The following ELAVL2 variants were observed in gnomAD, a reference collection of about 807,000 sequenced individuals.
ELAVL2 encodes the protein ELAV-like protein 2.
In ELAVL2, 4 loss-of-function variants were observed where a neutral mutation model predicts 34.6. That is an observed-to-expected ratio of 0.12 (90% confidence interval 0.06 to 0.26). The LOEUF is 0.26. ELAVL2 is among the 10% of genes least tolerant of loss of function. The pLI, the probability that ELAVL2 is intolerant of heterozygous loss-of-function variation, is 1.00. For synonymous variants in ELAVL2, 193 were observed against 154.8 expected, an observed-to-expected ratio of 1.25 and a Z score of -1.83; for missense variants, 432 against 442.8, an observed-to-expected ratio of 0.98 and a Z score of 0.22.
intron 1 of ELAVL2, among the ~76,000 whole-genome samples, chr9:23,763,491 C>T (rs2055524943): frequency 6.6e-6 from 1 of 151,932 alleles, no homozygotes; most frequent in South Asian, 2.1e-4. Context: ...TCAAAACTGA[C>T]AATTCTGAAT....
chr9:23,743,784 T>A (rs553342781), intron 2 of ELAVL2, among the ~76,000 whole-genome samples: 1 of 152,306 alleles, frequency 6.6e-6, no homozygotes, highest in Non-Finnish European at 1.5e-5. Flanking sequence ...TTTTAATTCA[T>A]CTTAAAAACT....
chr9:23,750,817 A>G (rs2051780452), intron 2 of ELAVL2, among the ~76,000 whole-genome samples: 1 of 152,188 alleles, frequency 6.6e-6, no homozygotes, highest in Admixed American at 6.5e-5. Context: ...GTTAGGAAAA[A>G]GGATTCGTAC....
Position 23,722,251 on chromosome 9 carries a change from G to C in ELAVL2, c.333+8771C>G, listed in dbSNP as rs546252677. Among the ~76,000 whole-genome samples the C allele has an allele frequency of 7.9e-5, 12 of 152,266 alleles. 1 individual carries two copies. The South Asian group carries it at 2.5e-3, about 32-fold the overall frequency. On this transcript the variant is annotated intron_variant, in intron 3 of 6. Coordinates refer to ENST00000397312, the MANE Select transcript of ELAVL2 (RefSeq NM_004432.5). ...ACACATTTCTGTAACCTTTAAACTA[G>C]CATCTACGACTTACATGAACCTACC...
chr9:23,825,428 G>C (rs561230100), intron 1 of ELAVL2, among the ~76,000 whole-genome samples: 1 of 152,042 alleles, frequency 6.6e-6, no homozygotes. Context: ...AGCCTCTCCC[G>C]TCCTTCCGTT....
At chr9:23,824,318 T>A (rs987856038) in intron 1 of ELAVL2, among the ~76,000 whole-genome samples, 1 of 152,148 alleles carries the variant, frequency 6.6e-6, no homozygotes, top group Non-Finnish European at 1.5e-5. Flanking sequence ...GGGCATAAAT[T>A]AAGCAACAAT....
At chr9:23,703,566 T>C (rs556201470) in intron 4 of ELAVL2, among the ~76,000 whole-genome samples, 5 of 152,144 alleles carry the variant, frequency 3.3e-5, no homozygotes, top group Non-Finnish European at 7.4e-5. Context: ...GTGCTTCCTA[T>C]GAAGCCAATT....
intron 4 of ELAVL2, among the ~76,000 whole-genome samples, chr9:23,702,847 T>TAAATAGTG: frequency 6.8e-6 from 1 of 146,476 alleles, no homozygotes; most frequent in South Asian, 2.1e-4. Context: ...GTATGAAGAA[T>TAAATAGTG]AAATAGTGAA....
At chr9:23,783,079 T>A (rs1050875425) in intron 1 of ELAVL2, among the ~76,000 whole-genome samples, 1 of 152,150 alleles carries the variant, frequency 6.6e-6, no homozygotes, top group African/African-American at 2.4e-5. Context: ...TTTCTATGCA[T>A]CCAACAAACT....
In ELAVL2 at chr9:23,818,975, G is replaced by C. The variant is rs78528505; in HGVS notation, c.-16+6831C>G. Among the ~76,000 whole-genome samples the C allele has an allele frequency of 8.8e-3, 1,338 of 152,346 alleles. 27 individuals carry two copies. The highest frequency in any genetic ancestry group is 0.031 in the African/African-American group (1,273 of 41,570). The stretch of plus-strand genomic sequence containing the variant: ...AAAAAAATGTCTTTCAGCAAAGAAA[G>C]AGGAAAAGGTTGATCCCAGCTTAAA... On this transcript the variant is annotated intron_variant, in intron 1 of 6. Coordinates refer to ENST00000397312, the MANE Select transcript of ELAVL2 (RefSeq NM_004432.5).
At chr9:23,746,614 G>C (rs527552873) in intron 2 of ELAVL2, among the ~76,000 whole-genome samples, 31 of 151,994 alleles carry the variant, frequency 2.0e-4, no homozygotes, top group African/African-American at 6.8e-4. Context: ...ACTTTACTTC[G>C]GTTCCTTACT....
At position 23,762,131 on chromosome 9, in the gene ELAVL2, T is replaced by C; in HGVS notation, c.104A>G (p.Glu35Gly). Residue 35 changes from glutamate (E) to glycine (G), a missense_variant, in exon 2 of 7, where the codon GAA becomes GGA. Around this residue, in one of 3 missense-constraint regions of ELAVL2, gnomAD observed 132 missense variants for 118.3 expected, o/e 1.12. Transcript: ENST00000397312. ...GACTATTAAGTTGGTCTTGCTGTCT[T>C]CTGTGTTCCCAGAGTCAACTGGTGA... ...CSSPVDSGNTEDSKTNLIVNY... is the reference protein window; with the variant it reads ...CSSPVDSGNTGDSKTNLIVNY... 1 of 1,613,638 alleles carries C rather than the reference T, an allele frequency of 6.2e-7. No individual in the cohort carries two copies.
At chr9:23,722,546 C>T (rs1030061741) in intron 3 of ELAVL2, among the ~76,000 whole-genome samples, 1 of 152,158 alleles carries the variant, frequency 6.6e-6, no homozygotes, top group Non-Finnish European at 1.5e-5. Context: ...TCCAGAAAGT[C>T]TCAAGACAAA....
the ELAVL2 span, among the ~76,000 whole-genome samples, chr9:23,843,215 A>G: frequency 4.8e-3 from 736 of 152,300 alleles, 5 homozygotes; most frequent in Middle Eastern, 6.8e-3. Flanking sequence ...AAATGAGTTC[A>G]AGAGTATTTT....
At chr9:23,758,089 G>C (rs1052741826) in intron 2 of ELAVL2, among the ~76,000 whole-genome samples, 8 of 152,072 alleles carry the variant, frequency 5.3e-5, no homozygotes, top group Non-Finnish European at 1.0e-4. Flanking sequence ...TCGGAATACA[G>C]AAATGGGTCC....
At chr9:23,721,579 G>A (rs2043732849) in intron 3 of ELAVL2, among the ~76,000 whole-genome samples, 1 of 152,160 alleles carries the variant, frequency 6.6e-6, no homozygotes, top group South Asian at 2.1e-4. Flanking sequence ...AGGGAGAGGA[G>A]GCAGGCAAGT....
At chr9:23,752,784 C>T (rs563434431) in intron 2 of ELAVL2, among the ~76,000 whole-genome samples, 1 of 152,108 alleles carries the variant, frequency 6.6e-6, no homozygotes, top group Non-Finnish European at 1.5e-5. Context: ...AGCTTAAATA[C>T]TTCTGTCTTG....
At chr9:23,762,359 T>C in intron 1 of ELAVL2, 110 bp from the exon 2 acceptor site, 1 of 1,398,390 alleles carries the variant, frequency 7.2e-7, no homozygotes, top group South Asian at 1.4e-5. Flanking sequence ...TCTAATGAAA[T>C]TACAACAATG....
intron 1 of ELAVL2, among the ~76,000 whole-genome samples, chr9:23,817,513 G>A (rs1365589752): frequency 1.3e-5 from 2 of 152,118 alleles, no homozygotes; most frequent in Non-Finnish European, 2.9e-5. Context: ...AAGAATGCTC[G>A]TTGCAAAAAT....
chr9:23,825,504 C>A (rs1176329213), intron 1 of ELAVL2, among the ~76,000 whole-genome samples: 1 of 152,188 alleles, frequency 6.6e-6, no homozygotes, highest in East Asian at 1.9e-4. Context: ...ACGAAATGAA[C>A]TTCCGATCTC....
Sources: gnomAD v4.1 joint callset for allele counts (sites outside exome capture counted in the v4.1 genomes callset) on GRCh38, gnomAD v4.1.1 for gene constraint, gnomAD v4.1.1 regional missense constraint, MANE v1.5 for transcripts, NCBI Gene and HGNC (gene_info 2026-07-23, HGNC 2026-07-21) for gene names.